CYP27C1: variants seen among roughly 807,000 people sequenced by gnomAD.
CYP27C1 encodes cytochrome P450 27C1.
CYP27C1 carries 29 observed loss-of-function variants against 40.6 expected under a neutral mutation model. The observed-to-expected ratio is 0.71, with a 90% CI of 0.53 to 0.97. CYP27C1 has a LOEUF of 0.97. Among genes scored for constraint, CYP27C1 ranks in the 50% least tolerant of loss-of-function variants. The pLI is 0.00. For missense variants in CYP27C1, 390 were observed against 485.8 expected (o/e 0.80, Z 1.85); for synonymous variants, 198 against 186.8 (o/e 1.06, Z -0.49).
Position 127,199,475 on chromosome 2 carries a change from C to G in CYP27C1, c.948G>C (p.Val316=), listed in dbSNP as rs927313893. 3 of 1,614,110 alleles carry G rather than the reference C, an allele frequency of 1.9e-6. No individual in the cohort carries two copies. The African/African-American group carries it at 4.0e-5, about 22-fold the overall frequency. The stretch of plus-strand genomic sequence containing the variant: ...AGAGGTATGTGAGAAGTCCCCCGCT[C>G]ACCCTCCGGCCTCGGTCCATTTGGT... ...IQYQMDRGRR[V]SGGLLTYLFL... Residue 316 remains valine (V), a synonymous_variant, in exon 5 of 9, where the codon GTG becomes GTC. Transcript: ENST00000664447.
In CYP27C1 at chr2:127,185,182, G is replaced by C. The variant is rs2104666797; in HGVS notation, c.*2089C>G. On this transcript the variant is annotated 3_prime_UTR_variant, in exon 9 of 9. Transcript: ENST00000664447. This position sits in a 1 kb window ranked among gnomAD's most constrained non-coding sequence, Gnocchi z 4.9. ...TTCCTATAAACCAGTAGCGAACCTA[G>C]AAACTTGTCCAGCTGAATCTCCATT... 1 of 152,368 alleles carries C rather than the reference G, an allele frequency of 6.6e-6. No homozygotes were observed. The highest frequency in any genetic ancestry group is 2.1e-4 in the South Asian group (1 of 4,830). The allele number at this position is 152,368 out of a possible 1,614,324, so 9.4% of individuals were successfully genotyped here.
intron 8 of CYP27C1, among the ~76,000 whole-genome samples, chr2:127,188,875 C>T (rs1682699005): frequency 6.6e-6 from 1 of 152,114 alleles, no homozygotes; most frequent in South Asian, 2.1e-4. Flanking sequence ...GGGACGCAGG[C>T]GGAACTCATG....
chr2:127,204,610 A>AAAGCAAGCAAGCAAGCAAGC (rs1558931559), intron 2 of CYP27C1, among the ~76,000 whole-genome samples: 30 of 102,664 alleles, frequency 2.9e-4, no homozygotes, highest in African/African-American at 1.0e-3. Flanking sequence ...AGAAAGAAAG[A>AAAGCAAGCAAGCAAGCAAGC]AAGAAAGAAA....
rs991392296 is a variant in CYP27C1, at chr2:127,209,668, T to C, written c.283-3578A>G. ...AGAATAACCAGTTTAGAGAGGAACA[T>C]AAATGACCAGATGGAGCTGAAAAAC... is the stretch of plus-strand genomic sequence containing the variant. On this transcript the variant is annotated intron_variant, in intron 1 of 8. Transcript: ENST00000664447. The surrounding 1 kb of genome is among the most constrained non-coding windows in gnomAD (Gnocchi z 4.1). 6.6e-6 allele frequency among the ~76,000 whole-genome samples: 1 copy of C among 152,162 alleles called. No individual in the cohort carries two copies. The highest frequency in any genetic ancestry group is 1.5e-5 in the Non-Finnish European group (1 of 68,032).
Position 127,196,047 on chromosome 2 carries a change from G to A in CYP27C1, c.1048-546C>T, listed in dbSNP as rs181354747. ...TCCACACAGAGCAAGTCAATAACTC[G>A]TCTATGCAAAGCAGTGTCTTTTTTT... On this transcript the variant is annotated intron_variant, in intron 5 of 8. Transcript: ENST00000664447. The surrounding 1 kb of genome is among the most constrained non-coding windows in gnomAD (Gnocchi z 4.5). Among the ~76,000 whole-genome samples the A allele has an allele frequency of 2.7e-5, 4 of 148,898 alleles. No individual in the cohort carries two copies. Among genetic ancestry groups the A allele is most frequent in the African/African-American group, 7.5e-5 (3 of 40,100 alleles).
Position 127,203,913 on chromosome 2 carries a change from AAT to A in CYP27C1, c.474-344_474-343del, listed in dbSNP as rs967720317. On this transcript the variant is annotated intron_variant, in intron 2 of 8. Transcript: ENST00000664447. ...TGAGATTGCTAATTAGCAAAAGAAA[AAT>A]ATATATATATATGCATACATATGTA... Among the ~76,000 whole-genome samples, 29 of 151,068 alleles carry A rather than the reference AAT, an allele frequency of 1.9e-4. 1 individual carries two copies. In the East Asian group the frequency reaches 3.9e-3, roughly 20 times the overall value.
chr2:127,190,292 G>A (rs1300675551), intron 8 of CYP27C1, among the ~76,000 whole-genome samples: 6 of 144,976 alleles, frequency 4.1e-5, no homozygotes, highest in Non-Finnish European at 9.1e-5. Flanking sequence ...CTATACAGTT[G>A]TGCCTTCCTG....
intron 6 of CYP27C1, among the ~76,000 whole-genome samples, chr2:127,194,662 C>T (rs185747990): frequency 3.2e-4 from 49 of 152,212 alleles, no homozygotes; most frequent in Admixed American, 1.0e-3. Context: ...GGTTTGTATC[C>T]AGGTCTGCAA....
At chr2:127,193,959 T>C (rs1682845623) in intron 6 of CYP27C1, 92 bp from the exon 7 acceptor site, 1 of 1,349,294 alleles carries the variant, frequency 7.4e-7, no homozygotes, top group Admixed American at 2.2e-5. Flanking sequence ...CCCATTTCCA[T>C]TAAAAATTCT....
intron 1 of CYP27C1, among the ~76,000 whole-genome samples, chr2:127,213,958 T>C (rs1683380879): frequency 6.6e-6 from 1 of 151,868 alleles, no homozygotes. Context: ...ATTGAACAAA[T>C]TTACAAGAAA....
chr2:127,190,748 C>G (rs1399079567), intron 8 of CYP27C1, among the ~76,000 whole-genome samples: 1 of 148,102 alleles, frequency 6.8e-6, no homozygotes, highest in Non-Finnish European at 1.5e-5. Context: ...AAGTTCGAGA[C>G]CACCCTGGCC....
chr2:127,198,226 C>T (rs1270581344), intron 5 of CYP27C1, among the ~76,000 whole-genome samples: 1 of 151,960 alleles, frequency 6.6e-6, no homozygotes, highest in Non-Finnish European at 1.5e-5. Context: ...CACTCATCAA[C>T]CAAACTGCTT....
At position 127,193,113 on chromosome 2, in the gene CYP27C1, ATCTCCAGT is replaced by A; in HGVS notation, c.1470_1477del (p.Glu490AspfsTer13). ...CCCTACCTGGATCACGACGAGGTGAATCTCCAGTTCTGCAATTCTCCGCCCTATGCAGC... is the reference window on the plus strand; with the variant it reads ...CCCTACCTGGATCACGACGAGGTGAATCTGCAATTCTCCGCCCTATGCAGC... On this transcript the variant is annotated frameshift_variant, in exon 8 of 9. Coordinates refer to ENST00000664447, the MANE Select transcript of CYP27C1 (RefSeq NM_001367502.1). LOFTEE classifies it low-confidence loss of function (END_TRUNC). The A allele has an allele frequency of 6.2e-7, 1 of 1,614,156 alleles. No individual in the cohort carries two copies. The highest frequency in any genetic ancestry group is 8.5e-7 in the Non-Finnish European group (1 of 1,180,024).
Position 127,195,645 on chromosome 2 carries a change from AC to A in CYP27C1, c.1048-145del, listed in dbSNP as rs1369016412. 4 of 681,190 alleles carry A rather than the reference AC, an allele frequency of 5.9e-6. No individual in the cohort carries two copies. Among genetic ancestry groups the A allele is most frequent in the Non-Finnish European group, 9.4e-6 (4 of 423,456 alleles). 42.2% of individuals were successfully genotyped at this position (681,190 alleles called of 1,614,324 possible). ...AATTCCATATAGCACCTAATGTCTT[AC>A]TAAAAACGAAAGACTGTTTCCTTAA... is the stretch of plus-strand genomic sequence containing the variant. On this transcript the variant is annotated intron_variant, in intron 5 of 8. Transcript: ENST00000664447. This position sits in a 1 kb window ranked among gnomAD's most constrained non-coding sequence, Gnocchi z 6.2.
chr2:127,216,899 A>G (rs530464152), intron 1 of CYP27C1, among the ~76,000 whole-genome samples: 1 of 152,124 alleles, frequency 6.6e-6, no homozygotes. Context: ...GAGCACTGTC[A>G]TTTCTCTACT....
chr2:127,204,429 G>GGAAAGAAAGAAAAA (rs1558930784), intron 2 of CYP27C1, among the ~76,000 whole-genome samples: 1 of 82,098 alleles, frequency 1.2e-5, no homozygotes, highest in Non-Finnish European at 2.6e-5. Flanking sequence ...AAGAGAGAAA[G>GGAAAGAAAGAAAAA]GAAAGAAAGA....
intron 1 of CYP27C1, among the ~76,000 whole-genome samples, chr2:127,207,087 C>T (rs1372525712): frequency 6.6e-6 from 1 of 152,180 alleles, no homozygotes; most frequent in Non-Finnish European, 1.5e-5. Context: ...TGACCAGCTG[C>T]AGTGGCTCAT....
rs1252939619 is a variant in CYP27C1 at position 127,195,592 on chromosome 2, T to TAC, written c.1048-93_1048-92dup. On this transcript the variant is annotated intron_variant, in intron 5 of 8. Coordinates refer to ENST00000664447, the MANE Select transcript of CYP27C1 (RefSeq NM_001367502.1). This position sits in a 1 kb window ranked among gnomAD's most constrained non-coding sequence, Gnocchi z 6.2. ...TGGCAGGTAGGAAGTCCCCTGGGAA[T>TAC]ACACACAGCACAAAGTCAAACTCAT... 7.4e-7 allele frequency: 1 copy of TAC among 1,348,886 alleles called. No homozygotes were observed. Among genetic ancestry groups the TAC allele is most frequent in the African/African-American group, 1.5e-5 (1 of 68,724 alleles). 83.6% of individuals were successfully genotyped at this position (1,348,886 alleles called of 1,614,324 possible). A position where few individuals can be genotyped will look rare whatever the true frequency, so the allele number is the denominator to read the frequency against.
At chr2:127,188,353 C>T (rs1388227482) in intron 8 of CYP27C1, among the ~76,000 whole-genome samples, 1 of 152,216 alleles carries the variant, frequency 6.6e-6, no homozygotes, top group Non-Finnish European at 1.5e-5. Flanking sequence ...GATCCTCCAA[C>T]CTCAGCCTCC....
Sources: allele counts gnomAD v4.1 joint callset (sites outside exome capture counted in the v4.1 genomes callset), GRCh38; gene constraint gnomAD v4.1.1; non-coding constraint Gnocchi (gnomAD v3.1); transcripts MANE v1.5; gene names NCBI Gene and HGNC (gene_info 2026-07-23, HGNC 2026-07-21).